The following PACC1 variants were observed in gnomAD, a reference collection of about 807,000 sequenced individuals.
PACC1 encodes the protein proton activated chloride channel 1.
Under a neutral mutation model 39.7 loss-of-function variants are expected in PACC1, and 34 were observed. The ratio of observed to expected loss-of-function variants is 0.86; its 90% CI spans 0.65 to 1.14. The LOEUF is 1.14. Ranked by LOEUF, PACC1 falls within the 50% of genes most tolerant of loss-of-function variation. The pLI, the probability that PACC1 is intolerant of heterozygous loss-of-function variation, is 0.00. For synonymous variants in PACC1, 127 were observed against 160.6 expected (o/e 0.79, Z 1.58); for missense variants, 379 against 436.4 (o/e 0.87, Z 1.17).
At position 212,403,807 on chromosome 1, in the gene PACC1, C is replaced by T. The variant is rs374383596; in HGVS notation, c.133+6618G>A. Among the ~76,000 whole-genome samples, 238 of 152,272 alleles carry T rather than the reference C, an allele frequency of 1.6e-3. 3 individuals carry two copies. The South Asian group carries it at 0.025, about 16-fold the overall frequency. On this transcript the variant is annotated intron_variant, in intron 2 of 7. Transcript: ENST00000261455. ...CTTGAACTCCTGGCCTCAAGTGACT[C>T]ACCCGCCTCAGCCTCCCAAAGTGCT... is the stretch of plus-strand genomic sequence containing the variant.
At chr1:212,409,971 T>C (rs546855920) in intron 2 of PACC1, among the ~76,000 whole-genome samples, 15 of 152,212 alleles carry the variant, frequency 9.9e-5, no homozygotes, top group African/African-American at 3.6e-4. Flanking sequence ...GCGGAAGAAG[T>C]AGTCAGCAGT....
intron 4 of PACC1, 27 bp from the exon 5 acceptor site, chr1:212,380,064 C>A (rs1298928762): frequency 1.2e-6 from 2 of 1,611,986 alleles, no homozygotes; most frequent in Non-Finnish European, 1.7e-6. Context: ...GACAGAGTCT[C>A]AGTCCTGGGA....
intron 5 of PACC1, among the ~76,000 whole-genome samples, chr1:212,379,440 A>C (rs894663046): frequency 2.0e-5 from 3 of 152,198 alleles, no homozygotes; most frequent in Admixed American, 6.5e-5. Flanking sequence ...AAGTTTGGTA[A>C]CCCCAAACCC....
chr1:212,403,359 C>A (rs1302577605), intron 2 of PACC1, among the ~76,000 whole-genome samples: 1 of 152,180 alleles, frequency 6.6e-6, no homozygotes, highest in African/African-American at 2.4e-5. Context: ...GCCCCAGCTC[C>A]TCTTTTGGCC....
intron 2 of PACC1, among the ~76,000 whole-genome samples, chr1:212,393,998 T>C (rs535376244): frequency 7.7e-4 from 117 of 152,192 alleles, no homozygotes; most frequent in Non-Finnish European, 1.2e-3. Flanking sequence ...AGCCGAATTC[T>C]ACCAGAGGTA....
chr1:212,409,934 G>A (rs1213149686), intron 2 of PACC1, among the ~76,000 whole-genome samples: 1 of 152,220 alleles, frequency 6.6e-6, no homozygotes, highest in Non-Finnish European at 1.5e-5. Flanking sequence ...CTGCATCACA[G>A]AAGCTAAGGG....
intron 2 of PACC1, among the ~76,000 whole-genome samples, chr1:212,404,265 C>T (rs1356310909): frequency 6.6e-6 from 1 of 152,016 alleles, no homozygotes; most frequent in Non-Finnish European, 1.5e-5. Context: ...CACCACCACT[C>T]CTGGCTAATT....
chr1:212,407,518 T>C (rs1457789600), intron 2 of PACC1, among the ~76,000 whole-genome samples: 1 of 152,242 alleles, frequency 6.6e-6, no homozygotes, highest in African/African-American at 2.4e-5. Flanking sequence ...GTCTTTCAAG[T>C]TGTTCTCCCG....
At chr1:212,367,079 C>G (rs1484465026) in intron 7 of PACC1, among the ~76,000 whole-genome samples, 2 of 152,148 alleles carry the variant, frequency 1.3e-5, no homozygotes, top group Non-Finnish European at 2.9e-5. Flanking sequence ...TATTCCTCCC[C>G]TTCCAAGATC....
At chr1:212,377,426 C>A in intron 6 of PACC1, 136 bp downstream of exon 6, 1 of 1,182,450 alleles carries the variant, frequency 8.5e-7, no homozygotes, top group South Asian at 1.5e-5. Flanking sequence ...CCATGGGAGT[C>A]CCTTCTCATC....
chr1:212,386,816 G>A lies in PACC1; in HGVS notation c.343+75C>T, dbSNP rs919592440. ...CTGCCCGTAGTACCACAAATACAAC[G>A]GCAGCTCAGGGAGTATCTGCCAGCT... On this transcript the variant is annotated intron_variant, in intron 3 of 7. Transcript: ENST00000261455. The surrounding 1 kb of genome is among the most constrained non-coding windows in gnomAD (Gnocchi z 5.0). The A allele has an allele frequency of 1.7e-5, 24 of 1,442,648 alleles. No homozygotes were observed. Among genetic ancestry groups the A allele is most frequent in the African/African-American group, 1.3e-4 (9 of 71,378 alleles). The allele number at this position is 1,442,648 out of a possible 1,614,324, so 89.4% of individuals were successfully genotyped here.
At chr1:212,413,845 T>TCG in intron 1 of PACC1, 1 of 1,492,080 alleles carries the variant, frequency 6.7e-7, no homozygotes, top group Non-Finnish European at 8.9e-7. Flanking sequence ...TAACACAGTA[T>TCG]CGCACTCAGA....
At position 212,364,246 on chromosome 1, in the gene PACC1, C is replaced by T. The variant is rs968698673; in HGVS notation, c.*969G>A. The T allele has an allele frequency of 6.6e-6, 1 of 152,058 alleles. No homozygotes were observed. The highest frequency in any genetic ancestry group is 2.4e-5 in the African/African-American group (1 of 41,376). The allele number at this position is 152,058 out of a possible 1,614,324, so 9.4% of individuals were successfully genotyped here. A position where few individuals can be genotyped will look rare whatever the true frequency, so the allele number is the denominator to read the frequency against. ...CATATGATGGGTAGTTTTGTGGACA[C>T]AGTAAAGAGTTAACCCAGCTTCCTC... On this transcript the variant is annotated 3_prime_UTR_variant, in exon 8 of 8. Transcript: ENST00000261455.
chr1:212,379,672 A>G (rs1443441247), intron 5 of PACC1, among the ~76,000 whole-genome samples: 3 of 152,204 alleles, frequency 2.0e-5, no homozygotes, highest in Non-Finnish European at 4.4e-5. Context: ...CACTATGTGC[A>G]TGGAGAGCCA....
At chr1:212,412,240 A>G (rs1662155745) in intron 1 of PACC1, among the ~76,000 whole-genome samples, 1 of 152,144 alleles carries the variant, frequency 6.6e-6, no homozygotes, top group African/African-American at 2.4e-5. Flanking sequence ...GAGCACAGAT[A>G]AAGAGGTCTC....
chr1:212,409,519 T>A (rs1662046297), intron 2 of PACC1, among the ~76,000 whole-genome samples: 1 of 151,566 alleles, frequency 6.6e-6, no homozygotes, highest in South Asian at 2.1e-4. Context: ...AAAAAGGGGA[T>A]GAGAGGAAGG....
intron 2 of PACC1, among the ~76,000 whole-genome samples, chr1:212,396,235 C>T (rs1342529054): frequency 6.6e-6 from 1 of 152,210 alleles, no homozygotes; most frequent in East Asian, 1.9e-4. Context: ...GGCACATATA[C>T]ACCATGGCAT....
rs1208331834 is a variant in PACC1 at position 212,414,663 on chromosome 1, GCCC to G, written c.36+56_36+58del. 4.4e-6 allele frequency: 7 copies of G among 1,602,106 alleles called. No individual in the cohort carries two copies. In the African/African-American group the frequency reaches 8.0e-5, roughly 18 times the overall value. On this transcript the variant is annotated intron_variant, in intron 1 of 7. Coordinates refer to ENST00000261455, the MANE Select transcript of PACC1 (RefSeq NM_018252.3). ...CACCCCCCGCCCCGCATCCGCCCAG[GCCC>G]CCGGGACCCTGCTCCTCCGCCTCAA...
At chr1:212,380,125 C>T in intron 4 of PACC1, 88 bp from the exon 5 acceptor site, 1 of 1,422,596 alleles carries the variant, frequency 7.0e-7, no homozygotes. Flanking sequence ...ACTGGAAAGC[C>T]CATAGCTCCT....
Sources: allele counts gnomAD v4.1 joint callset (sites outside exome capture counted in the v4.1 genomes callset), GRCh38; gene constraint gnomAD v4.1.1; non-coding constraint Gnocchi (gnomAD v3.1); transcripts MANE v1.5; gene names NCBI Gene and HGNC (gene_info 2026-07-23, HGNC 2026-07-21).